Variants in TCN2 observed in about 807,000 individuals in gnomAD.
The protein encoded by TCN2 is transcobalamin 2.
A neutral mutation model predicts 48.6 loss-of-function variants in TCN2; 34 were observed. The observed-to-expected ratio is 0.70, with a 90% CI of 0.53 to 0.93. TCN2 has a LOEUF of 0.93. Ranked by LOEUF, TCN2 falls within the 40% of genes least tolerant of loss-of-function variation. The probability of loss-of-function intolerance (pLI) is 0.00; values close to 1 mark genes in which losing one functional copy is unlikely to be tolerated. For missense variants in TCN2, 652 were observed against 526.1 expected (o/e 1.24, Z -2.34); for synonymous variants, 283 against 212.5 (o/e 1.33, Z -2.89).
At chr22:30,607,464 A>T in intron 1 of TCN2, 69 bp downstream of exon 1, 1 of 1,573,952 alleles carries the variant, frequency 6.4e-7, no homozygotes, top group South Asian at 1.1e-5. Context: ...AGGGCATAGG[A>T]TGAGGGAACT....
chr22:30,623,813 TACAC>T lies in TCN2; in HGVS notation c.1222+736_1222+739del, dbSNP rs1350280322. On this transcript the variant is annotated intron_variant, in intron 8 of 8. Transcript: ENST00000215838. ...ACATATATACACACATACACATATA[TACAC>T]ACACATACACACACATATACACACA... Among the ~76,000 whole-genome samples the T allele has an allele frequency of 4.3e-4, 23 of 53,958 alleles. 8 individuals carry two copies. The highest frequency in any genetic ancestry group is 7.8e-4 in the South Asian group (2 of 2,578). The allele number at this position is 53,958 out of a possible 152,430, so 35.4% of individuals were successfully genotyped here.
At chr22:30,611,226 G>T (rs1185636895) in intron 2 of TCN2, 163 bp downstream of exon 2, 1 of 851,176 alleles carries the variant, frequency 1.2e-6, no homozygotes, top group African/African-American at 1.7e-5. Flanking sequence ...GAAGGGGTTG[G>T]TTGGATTAGA....
At chr22:30,608,824 C>T (rs140529613) in intron 1 of TCN2, among the ~76,000 whole-genome samples, 139 of 152,338 alleles carry the variant, frequency 9.1e-4, no homozygotes, top group Middle Eastern at 6.8e-3. Flanking sequence ...AGAGCTCTTC[C>T]TCCTGGCTGA....
Position 30,607,279 on chromosome 22 carries a change from G to GC in TCN2, c.-49dup. 6.2e-7 allele frequency: 1 copy of GC among 1,606,548 alleles called. No individual in the cohort carries two copies. ...GGTCAGGAGAGCCTCAGCAGGGCCA[G>GC]CCCCAGGAGTCTTTCCCGATTCTTG... is the stretch of plus-strand genomic sequence containing the variant. On this transcript the variant is annotated 5_prime_UTR_variant, in exon 1 of 9. Coordinates refer to ENST00000215838, the MANE Select transcript of TCN2 (RefSeq NM_000355.4).
rs1417020898 is a variant in TCN2, at chr22:30,612,932, C to T, written c.317C>T (p.Ala106Val). Residue 106 changes from alanine to valine, a missense_variant, in exon 3 of 9, where the codon GCC (alanine) becomes GTC (valine). Transcript: ENST00000215838. ...CQGKPSMGQL[A>V]LYLLALRANC... ...GGCAAGCCTTCCATGGGCCAGCTGG[C>T]CCTCTACCTGCTCGCTCTCAGAGCC... 3.7e-6 allele frequency: 6 copies of T among 1,614,214 alleles called. No homozygotes were observed. Among genetic ancestry groups the T allele is most frequent in the South Asian group, 1.1e-5 (1 of 91,084 alleles).
chr22:30,617,595 A>G (rs2087632476), intron 7 of TCN2, 100 bp downstream of exon 7: 3 of 1,502,982 alleles, frequency 2.0e-6, no homozygotes, highest in Non-Finnish European at 2.7e-6. Context: ...TTCCCTCGGG[A>G]GAGACACTGG....
Position 30,610,986 on chromosome 22 carries a change from C to G in TCN2, c.180C>G (p.Leu60=), listed in dbSNP as rs919468097. ...CCAGCATCTATGTGGGCCTACGCCT[C>G]TCCAGTCTGCAGGCTGGGACCAAGG... ...LNPSIYVGLR[L]SSLQAGTKED... is the part of the protein sequence containing the mutation. Residue 60 remains leucine, a synonymous_variant, in exon 2 of 9, where the codon CTC becomes CTG. Transcript: ENST00000215838. 6.2e-7 allele frequency: 1 copy of G among 1,614,104 alleles called. No individual in the cohort carries two copies. Among genetic ancestry groups the G allele is most frequent in the African/African-American group, 1.3e-5 (1 of 74,934 alleles).
chr22:30,613,387 C>T (rs1027300529), intron 3 of TCN2, among the ~76,000 whole-genome samples: 1 of 152,178 alleles, frequency 6.6e-6, no homozygotes, highest in Admixed American at 6.5e-5. Flanking sequence ...TCAAGCAATT[C>T]TCCTGCCTCA....
Position 30,612,959 on chromosome 22 carries a change from A to G in TCN2, c.344A>G (p.Asn115Ser), listed in dbSNP as rs760095757. ...LALYLLALRANCEFVRGHKGD... is the reference protein window; with the variant it reads ...LALYLLALRASCEFVRGHKGD... Reference sequence around the variant, plus strand: ...CTCTACCTGCTCGCTCTCAGAGCCAACTGTGAGTTTGTCAGGGGCCACAAG... The same window carrying G: ...CTCTACCTGCTCGCTCTCAGAGCCAGCTGTGAGTTTGTCAGGGGCCACAAG... Residue 115 changes from asparagine (N) to serine (S), a missense_variant, in exon 3 of 9, where the codon AAC becomes AGC. Coordinates refer to ENST00000215838, the MANE Select transcript of TCN2 (RefSeq NM_000355.4). 22 of 1,614,092 alleles carry G rather than the reference A, an allele frequency of 1.4e-5. No homozygotes were observed. The highest frequency in any genetic ancestry group is 1.4e-5 in the Non-Finnish European group (17 of 1,180,044).
rs1009615156 is a variant in TCN2 at position 30,626,713 on chromosome 22, C to T, written c.*192C>T. 6.0e-6 allele frequency: 4 copies of T among 662,442 alleles called. No homozygotes were observed. The highest frequency in any genetic ancestry group is 1.8e-5 in the African/African-American group (1 of 55,926). The allele number at this position is 662,442 out of a possible 1,614,324, so 41.0% of individuals were successfully genotyped here. ...CCATGGCCCACCTTGGAGCAGAGAG[C>T]CAAGCATCTTCCCTGGGAAGTCTTT... On this transcript the variant is annotated 3_prime_UTR_variant, in exon 9 of 9. Transcript: ENST00000215838.
At chr22:30,608,750 C>T (rs1356190127) in intron 1 of TCN2, among the ~76,000 whole-genome samples, 1 of 152,118 alleles carries the variant, frequency 6.6e-6, no homozygotes, top group Non-Finnish European at 1.5e-5. Context: ...GGTCTGGGCC[C>T]AGGAACCCCA....
At chr22:30,609,165 T>A (rs2087498755) in intron 1 of TCN2, among the ~76,000 whole-genome samples, 1 of 151,976 alleles carries the variant, frequency 6.6e-6, no homozygotes, top group African/African-American at 2.4e-5. Context: ...TCTTCTTTTT[T>A]TTTTTTTTAA....
At chr22:30,612,739 T>A (rs189758183) in intron 2 of TCN2, 134 bp from the exon 3 acceptor site, 3 of 1,080,658 alleles carry the variant, frequency 2.8e-6, no homozygotes, top group East Asian at 2.6e-5. Flanking sequence ...CCAACACACC[T>A]CCTTTTGGAG....
chr22:30,622,282 T>C (rs1712529774), intron 7 of TCN2, among the ~76,000 whole-genome samples: 1 of 151,718 alleles, frequency 6.6e-6, no homozygotes. Flanking sequence ...CCACTGTGCC[T>C]GGCCCAGGCC....
Position 30,615,746 on chromosome 22 carries a change from C to T in TCN2, c.899C>T (p.Thr300Ile), listed in dbSNP as rs763836785. 12 of 1,614,096 alleles carry T rather than the reference C, an allele frequency of 7.4e-6. No homozygotes were observed. In the East Asian group the frequency reaches 1.6e-4, roughly 21 times the overall value. The change falls in exon 6 of 9, where the codon ACC (threonine) becomes ATC (isoleucine). Residue 300 changes from threonine to isoleucine, a missense_variant. Coordinates refer to ENST00000215838, the MANE Select transcript of TCN2 (RefSeq NM_000355.4). ...CTGCTGCCCGTTCTGAACCACAAGA[C>T]CTACATTGATCTGATCTTCCCAGAC... The part of the protein sequence containing the change: ...SQLLPVLNHK[T>I]YIDLIFPDCL...
intron 1 of TCN2, 110 bp downstream of exon 1, chr22:30,607,505 T>C: frequency 8.7e-7 from 1 of 1,151,438 alleles, no homozygotes; most frequent in Non-Finnish European, 1.3e-6. Context: ...CATAGCAGTT[T>C]GGGCTTAGCT....
intron 2 of TCN2, among the ~76,000 whole-genome samples, chr22:30,612,266 T>C (rs1325019995): frequency 6.8e-6 from 1 of 147,898 alleles, no homozygotes; most frequent in Non-Finnish European, 1.5e-5. Flanking sequence ...AATAAAAATA[T>C]GGCTGGGTGT....
Position 30,626,539 on chromosome 22 carries a change from C to A in TCN2, c.*18C>A. On this transcript the variant is annotated 3_prime_UTR_variant, in exon 9 of 9. Transcript: ENST00000215838. ...GCTGGTAGCCCCTGAGCTCCCTCAT[C>A]CCAGCAGCCTCGCACACTCCCTAGG... 6.2e-7 allele frequency: 1 copy of A among 1,613,830 alleles called. No individual in the cohort carries two copies. The highest frequency in any genetic ancestry group is 8.5e-7 in the Non-Finnish European group (1 of 1,179,910).
At chr22:30,622,080 C>T (rs1043669483) in intron 7 of TCN2, among the ~76,000 whole-genome samples, 2 of 152,146 alleles carry the variant, frequency 1.3e-5, no homozygotes, top group Non-Finnish European at 2.9e-5. Flanking sequence ...CTCTACGTCC[C>T]GGGTTCAAGC....
Sources: gnomAD v4.1 joint callset for allele counts (sites outside exome capture counted in the v4.1 genomes callset) on GRCh38, gnomAD v4.1.1 for gene constraint, MANE v1.5 for transcripts, NCBI Gene and HGNC (gene_info 2026-07-23, HGNC 2026-07-21) for gene names.